AIG1: variants seen among roughly 807,000 people sequenced by gnomAD.
AIG1 encodes androgen-induced gene 1 protein.
In AIG1, 23 loss-of-function variants were observed where a neutral mutation model predicts 31.4. The observed-to-expected ratio is 0.73, with a 90% CI of 0.53 to 1.04. AIG1 has a LOEUF of 1.04. AIG1 is among the 50% of genes least tolerant of loss of function. AIG1 has a pLI of 0.00. For missense variants in AIG1, 274 were observed against 295.0 expected (o/e 0.93, Z 0.52); for synonymous variants, 100 against 110.5 (o/e 0.90, Z 0.60).
chr6:143,313,966 C>T (rs775609311), intron 4 of AIG1, among the ~76,000 whole-genome samples: 2 of 151,926 alleles, frequency 1.3e-5, no homozygotes, highest in African/African-American at 4.8e-5. Flanking sequence ...TTCCCTCTCA[C>T]AACTCCTATT....
At chr6:143,138,892 C>CAAA (rs36106013) in intron 2 of AIG1, among the ~76,000 whole-genome samples, 1 of 72,860 alleles carries the variant, frequency 1.4e-5, no homozygotes. Flanking sequence ...GACTCTGTCT[C>CAAA]AAAAAAAAAA....
chr6:143,229,039 C>T (rs954975867), intron 3 of AIG1, among the ~76,000 whole-genome samples: 3 of 152,174 alleles, frequency 2.0e-5, no homozygotes, highest in African/African-American at 4.8e-5. Flanking sequence ...CTGTGACTCT[C>T]CAAGCCAAAG....
intron 3 of AIG1, among the ~76,000 whole-genome samples, chr6:143,172,716 G>T (rs1346442258): frequency 6.6e-6 from 1 of 151,982 alleles, no homozygotes. Context: ...TTTGTTGGTA[G>T]CTTTTTATTA....
In AIG1 at chr6:143,268,421, T is replaced by C. The variant is rs947369459; in HGVS notation, c.400-15689T>C. 6.6e-6 allele frequency among the ~76,000 whole-genome samples: 1 copy of C among 152,058 alleles called. No homozygotes were observed. The highest frequency in any genetic ancestry group is 1.5e-5 in the Non-Finnish European group (1 of 68,020). On this transcript the variant is annotated intron_variant, in intron 3 of 5. Transcript: ENST00000357847. The surrounding 1 kb of genome is among the most constrained non-coding windows in gnomAD (Gnocchi z 5.0). ...GAATAAGGTGTTGAATAGCTACAAA[T>C]TGATAACAAGTTTTAAAGAGCATGA...
intron 3 of AIG1, among the ~76,000 whole-genome samples, chr6:143,171,053 G>A (rs894837209): frequency 6.6e-6 from 1 of 151,888 alleles, no homozygotes; most frequent in Non-Finnish European, 1.5e-5. Context: ...TGAAATAATA[G>A]CTGAAAACTT....
At chr6:143,167,115 A>C (rs1190582779) in intron 3 of AIG1, among the ~76,000 whole-genome samples, 1 of 152,222 alleles carries the variant, frequency 6.6e-6, no homozygotes, top group East Asian at 1.9e-4. Context: ...CGTATTTTTA[A>C]GAAAAAGACA....
intron 3 of AIG1, among the ~76,000 whole-genome samples, chr6:143,196,404 T>G (rs960077056): frequency 4.3e-5 from 6 of 139,278 alleles, no homozygotes; most frequent in African/African-American, 1.6e-4. Flanking sequence ...CACCCCAATT[T>G]GATAAGTTGG....
intron 1 of AIG1, among the ~76,000 whole-genome samples, chr6:143,067,905 A>G (rs1221993347): frequency 6.6e-6 from 1 of 152,228 alleles, no homozygotes; most frequent in Admixed American, 6.5e-5. Flanking sequence ...AAATATGCAT[A>G]TAAACTTGAA....
chr6:143,261,189 C>T (rs1437811492), intron 3 of AIG1, among the ~76,000 whole-genome samples: 6 of 152,160 alleles, frequency 3.9e-5, no homozygotes, highest in Middle Eastern at 3.4e-3. Context: ...TGGAGTGCAG[C>T]GGCGCGATCT....
intron 1 of AIG1, among the ~76,000 whole-genome samples, chr6:143,065,188 C>G (rs556694742): frequency 6.6e-6 from 1 of 152,100 alleles, no homozygotes; most frequent in African/African-American, 2.4e-5. Context: ...TTTCGGTTGC[C>G]CCAGACTTCT....
chr6:143,290,298 A>G (rs1217975559), intron 4 of AIG1, among the ~76,000 whole-genome samples: 1 of 152,224 alleles, frequency 6.6e-6, no homozygotes, highest in Non-Finnish European at 1.5e-5. Flanking sequence ...GCAACTTGGG[A>G]GATCAAGTGT....
intron 3 of AIG1, among the ~76,000 whole-genome samples, chr6:143,208,120 G>T (rs1438927571): frequency 3.3e-5 from 5 of 152,148 alleles, no homozygotes; most frequent in African/African-American, 1.2e-4. Flanking sequence ...TGGCCTCCTT[G>T]AATGTTCCAG....
At chr6:143,200,467 T>C (rs985659948) in intron 3 of AIG1, among the ~76,000 whole-genome samples, 3 of 152,132 alleles carry the variant, frequency 2.0e-5, no homozygotes, top group Non-Finnish European at 4.4e-5. Context: ...ATATCTCTAC[T>C]TTATTTCTCC....
intron 1 of AIG1, among the ~76,000 whole-genome samples, chr6:143,115,631 AC>A (rs1171903921): frequency 5.9e-5 from 9 of 152,186 alleles, no homozygotes; most frequent in African/African-American, 2.2e-4. Flanking sequence ...AATTTGCAAA[AC>A]GGTGATATCA....
chr6:143,145,282 C>A lies in AIG1; in HGVS notation c.297+8292C>A, dbSNP rs868370334. ...TCAAGCGATCCACCACCTTGGCATCCCAAAGTGCTGGGATTCTAAGCATCA... is the reference window on the plus strand; with the variant it reads ...TCAAGCGATCCACCACCTTGGCATCACAAAGTGCTGGGATTCTAAGCATCA... On this transcript the variant is annotated intron_variant, in intron 2 of 5. Transcript: ENST00000357847. 2.6e-5 allele frequency among the ~76,000 whole-genome samples: 4 copies of A among 152,328 alleles called. No homozygotes were observed. The South Asian group carries it at 8.3e-4, about 32-fold the overall frequency.
chr6:143,077,020 C>A (rs900046046), intron 1 of AIG1, among the ~76,000 whole-genome samples: 1 of 152,086 alleles, frequency 6.6e-6, no homozygotes. Context: ...TTGTATATAT[C>A]TCTTTGAATT....
intron 3 of AIG1, among the ~76,000 whole-genome samples, chr6:143,277,634 A>G (rs551975619): frequency 6.6e-6 from 1 of 152,344 alleles, no homozygotes; most frequent in African/African-American, 2.4e-5. Flanking sequence ...ACACTTCCAG[A>G]GGCCTGCCTG....
At chr6:143,159,918 TGCAACAGA>T (rs1173339935) in intron 2 of AIG1, among the ~76,000 whole-genome samples, 1 of 152,188 alleles carries the variant, frequency 6.6e-6, no homozygotes, top group Admixed American at 6.5e-5. Context: ...ATTACCCTTC[TGCAACAGA>T]AAGAATTGAC....
chr6:143,111,973 A>G (rs917262045), intron 1 of AIG1, among the ~76,000 whole-genome samples: 1 of 152,154 alleles, frequency 6.6e-6, no homozygotes, highest in Non-Finnish European at 1.5e-5. Context: ...CAATATGGTC[A>G]TCCTCCAATC....
Sources: gnomAD v4.1 joint callset for allele counts (sites outside exome capture counted in the v4.1 genomes callset) on GRCh38, gnomAD v4.1.1 for gene constraint, Gnocchi (gnomAD v3.1) non-coding constraint, MANE v1.5 for transcripts, NCBI Gene and HGNC (gene_info 2026-07-23, HGNC 2026-07-21) for gene names.